Variants in LHCGR observed in about 807,000 individuals in gnomAD.
LHCGR encodes the protein luteinizing hormone/choriogonadotropin receptor, also known as lutropin-choriogonadotropic hormone receptor.
Under a neutral mutation model 60.7 loss-of-function variants are expected in LHCGR, and 55 were observed. The ratio of observed to expected loss-of-function variants is 0.91; its 90% CI spans 0.73 to 1.13. LHCGR has a LOEUF of 1.13. Among genes scored for constraint, LHCGR ranks in the 50% most tolerant of loss-of-function variants. The pLI is 0.00. For synonymous variants in LHCGR, 337 were observed against 316.5 expected (o/e 1.06, Z -0.69); for missense variants, 862 against 836.0 (o/e 1.03, Z -0.38).
At chr2:48,714,740 T>TAC (rs113272578) in intron 6 of LHCGR, among the ~76,000 whole-genome samples, 18,675 of 151,816 alleles carry the variant, frequency 0.12, 1,385 homozygotes, top group Middle Eastern at 0.24. Context: ...TACCTATAAA[T>TAC]ACACACACAC....
chr2:48,712,054 A>G (rs1017439994), intron 7 of LHCGR, among the ~76,000 whole-genome samples: 4 of 151,836 alleles, frequency 2.6e-5, no homozygotes, highest in Non-Finnish European at 5.9e-5. Context: ...CCTCTGGACC[A>G]TTCTTCTGGC....
chr2:48,744,299 C>G (rs1669601130), intron 1 of LHCGR, among the ~76,000 whole-genome samples: 1 of 40,176 alleles, frequency 2.5e-5, no homozygotes, highest in Middle Eastern at 5.7e-3. Context: ...AATGCCATCC[C>G]CATCAAGCTA....
chr2:48,749,720 TAAAAA>T (rs35333492), intron 1 of LHCGR, among the ~76,000 whole-genome samples: 40 of 129,964 alleles, frequency 3.1e-4, no homozygotes, highest in Admixed American at 6.3e-4. Flanking sequence ...CTTTTGAAAT[TAAAAA>T]AAAAAAAAAA....
intron 1 of LHCGR, among the ~76,000 whole-genome samples, chr2:48,745,558 A>G (rs1235253749): frequency 6.6e-6 from 1 of 152,134 alleles, no homozygotes; most frequent in Non-Finnish European, 1.5e-5. Flanking sequence ...GACATGGATG[A>G]AATTGGAAAT....
At chr2:48,704,199 T>C (rs1667548392) in intron 8 of LHCGR, among the ~76,000 whole-genome samples, 1 of 152,214 alleles carries the variant, frequency 6.6e-6, no homozygotes, top group South Asian at 2.1e-4. Flanking sequence ...ATTTATTGAT[T>C]TGCATATGTT....
At chr2:48,689,640 T>C (rs1680108499) in intron 10 of LHCGR, among the ~76,000 whole-genome samples, 1 of 152,184 alleles carries the variant, frequency 6.6e-6, no homozygotes, top group African/African-American at 2.4e-5. Context: ...ACTTTGTCCC[T>C]AGTGAAAGAA....
rs1386304377 is a variant in LHCGR at position 48,688,408 on chromosome 2, T to A, written c.1389A>T (p.Glu463Asp). Residue 463 changes from glutamate to aspartate, a missense_variant, in exon 11 of 11, where the codon GAA becomes GAT. Glu to Asp is a conservative substitution (Grantham distance 45, BLOSUM62 2). Coordinates refer to ENST00000294954, the MANE Select transcript of LHCGR (RefSeq NM_000233.4). The surrounding 1 kb of genome is among the most constrained non-coding windows in gnomAD (Gnocchi z 5.2). ...SVYTLTVITL[E>D]RWHTITYAIH... ...TAGCATAGGTGATGGTGTGCCATCT[T>A]TCTAGAGTGATGACGGTGAGGGTGT... is the stretch of plus-strand genomic sequence containing the variant. 1 of 1,614,178 alleles carries A rather than the reference T, an allele frequency of 6.2e-7. No homozygotes were observed. Among genetic ancestry groups the A allele is most frequent in the Non-Finnish European group, 8.5e-7 (1 of 1,180,030 alleles).
At chr2:48,689,933 C>T (rs139324988) in intron 10 of LHCGR, among the ~76,000 whole-genome samples, 1,726 of 152,306 alleles carry the variant, frequency 0.011, 11 homozygotes, top group Non-Finnish European at 0.017. Context: ...CCAGGTTGGT[C>T]TCCATCTCCT....
intron 1 of LHCGR, 32 bp downstream of exon 1, chr2:48,755,479 A>G (rs1266558819): frequency 2.1e-6 from 3 of 1,409,234 alleles, no homozygotes; most frequent in Admixed American, 2.0e-5. Flanking sequence ...TCCTGCATCA[A>G]GGGCGCCGCG....
intron 10 of LHCGR, among the ~76,000 whole-genome samples, chr2:48,693,594 A>C (rs549340934): frequency 1.3e-5 from 2 of 152,322 alleles, no homozygotes; most frequent in Non-Finnish European, 2.9e-5. Context: ...AAACTTCTAA[A>C]TCTTAGTAAA....
Position 48,688,374 on chromosome 2 carries a change from C to A in LHCGR, c.1423G>T (p.Asp475Tyr). 6.2e-7 allele frequency: 1 copy of A among 1,614,074 alleles called. No homozygotes were observed. The highest frequency in any genetic ancestry group is 2.2e-5 in the East Asian group (1 of 44,874). ...GCATGTCTTAATCGCAGCTTTTGGTCCAGGTGAATAGCATAGGTGATGGTG... is the reference window on the plus strand; with the variant it reads ...GCATGTCTTAATCGCAGCTTTTGGTACAGGTGAATAGCATAGGTGATGGTG... ...WHTITYAIHL[D>Y]QKLRLRHAIL... Residue 475 changes from aspartate to tyrosine, a missense_variant, in exon 11 of 11, where the codon GAC becomes TAC. Physicochemically the swap from Asp to Tyr is radical, Grantham distance 160 (BLOSUM62 -3). Transcript: ENST00000294954. The surrounding 1 kb of genome is among the most constrained non-coding windows in gnomAD (Gnocchi z 5.2).
intron 2 of LHCGR, among the ~76,000 whole-genome samples, chr2:48,730,499 A>G (rs758143366): frequency 6.6e-5 from 10 of 152,228 alleles, no homozygotes; most frequent in African/African-American, 2.4e-5. Flanking sequence ...ATGCTGTAGC[A>G]TCTTCTTTAG....
intron 3 of LHCGR, among the ~76,000 whole-genome samples, chr2:48,728,198 C>A (rs139931370): frequency 1.3e-5 from 2 of 151,910 alleles, no homozygotes; most frequent in Non-Finnish European, 1.5e-5. Flanking sequence ...AGATTGGATA[C>A]CCCTGGTCTG....
chr2:48,714,000 C>G lies in LHCGR; in HGVS notation c.591G>C (p.Thr197=), dbSNP rs761936456. The change falls in exon 7 of 11, where the codon ACG becomes ACC. Residue 197 remains threonine, a synonymous_variant. Coordinates refer to ENST00000294954, the MANE Select transcript of LHCGR (RefSeq NM_000233.4). The stretch of plus-strand genomic sequence containing the variant: ...CAAATACTTACAGTGAAGTCAGTGT[C>G]GTCCCATTGAATGCATGACTTTGTA... ...EEVQSHAFNG[T]TLTSLELKEN... 6.2e-7 allele frequency: 1 copy of G among 1,609,688 alleles called. No individual in the cohort carries two copies. Among genetic ancestry groups the G allele is most frequent in the East Asian group, 2.2e-5 (1 of 44,852 alleles).
chr2:48,746,837 C>G (rs535801660), intron 1 of LHCGR, among the ~76,000 whole-genome samples: 2 of 152,286 alleles, frequency 1.3e-5, no homozygotes, highest in Admixed American at 1.3e-4. Flanking sequence ...AAGAATAACT[C>G]TGGTAAATAA....
intron 6 of LHCGR, among the ~76,000 whole-genome samples, chr2:48,717,833 CTTTTTTT>C (rs10711529): frequency 1.4e-5 from 1 of 68,976 alleles, no homozygotes; most frequent in Non-Finnish European, 2.7e-5. Context: ...TTTTCCATGT[CTTTTTTT>C]TTTTTTTTTT....
chr2:48,717,843 T>C (rs1668326803), intron 6 of LHCGR, among the ~76,000 whole-genome samples: 1 of 147,568 alleles, frequency 6.8e-6, no homozygotes, highest in African/African-American at 2.5e-5. Flanking sequence ...CTTTTTTTTT[T>C]TTTTTTTTTT....
intron 8 of LHCGR, among the ~76,000 whole-genome samples, chr2:48,708,122 G>T (rs1470371258): frequency 6.6e-6 from 1 of 152,200 alleles, no homozygotes; most frequent in African/African-American, 2.4e-5. Context: ...CTCGCTGAGA[G>T]CTGCAGACTG....
intron 1 of LHCGR, among the ~76,000 whole-genome samples, chr2:48,748,268 T>A (rs867999721): frequency 6.6e-6 from 1 of 152,176 alleles, no homozygotes; most frequent in South Asian, 2.1e-4. Flanking sequence ...ATCTTGTACA[T>A]TTCAGTACGT....
Sources: gnomAD v4.1 joint callset for allele counts (sites outside exome capture counted in the v4.1 genomes callset) on GRCh38, gnomAD v4.1.1 for gene constraint, Gnocchi (gnomAD v3.1) non-coding constraint, MANE v1.5 for transcripts, NCBI Gene and HGNC (gene_info 2026-07-23, HGNC 2026-07-21) for gene names.